Variants in EHMT1 observed in about 807,000 individuals in gnomAD.
EHMT1 encodes the protein euchromatic histone lysine methyltransferase 1.
EHMT1 carries 15 observed loss-of-function variants against 147.2 expected under a neutral mutation model. That is an observed-to-expected ratio of 0.10 (90% CI 0.07 to 0.16). The LOEUF (loss-of-function observed/expected upper bound fraction) is 0.16. EHMT1 is among the 10% of genes least tolerant of loss of function. The probability of loss-of-function intolerance (pLI) is 1.00; values close to 1 mark genes in which losing one functional copy is unlikely to be tolerated. For missense variants in EHMT1, 1,587 were observed against 1,772.4 expected, an observed-to-expected ratio of 0.90 and a Z score of 1.88; for synonymous variants, 795 against 709.6, an observed-to-expected ratio of 1.12 and a Z score of -1.91.
In EHMT1 at chr9:137,723,214, C is replaced by G. The variant is rs1251920588; in HGVS notation, c.643-5135C>G. 5.2e-5 allele frequency among the ~76,000 whole-genome samples: 4 copies of G among 77,292 alleles called. 1 individual carries two copies. The highest frequency in any genetic ancestry group is 3.9e-4 in the East Asian group (1 of 2,554). The allele number at this position is 77,292 out of a possible 152,430, so 50.7% of individuals were successfully genotyped here. A position where few individuals can be genotyped will look rare whatever the true frequency, so the allele number is the denominator to read the frequency against. On this transcript the variant is annotated intron_variant, in intron 3 of 26. Coordinates refer to ENST00000460843, the MANE Select transcript of EHMT1 (RefSeq NM_024757.5). ...GTGTCTGTGGTTCTGGGCCTGAGCC[C>G]GGGGTGTGCCTGTGTCCGTGGTTCT...
At position 137,634,635 on chromosome 9, in the gene EHMT1, C is replaced by T. The variant is rs191835428; in HGVS notation, c.21+15586C>T. Among the ~76,000 whole-genome samples the T allele has an allele frequency of 8.1e-3, 1,174 of 144,904 alleles. 8 individuals carry two copies. The highest frequency in any genetic ancestry group is 0.014 in the Non-Finnish European group (922 of 66,106). On this transcript the variant is annotated intron_variant, in intron 1 of 26. Transcript: ENST00000460843. The stretch of plus-strand genomic sequence containing the variant: ...CATTTCTTTTCTTTTCTTTTCTTTT[C>T]TTTTTTTTCAAGATTGGGTCCCTTG...
At chr9:137,734,838 T>A (rs1947400792) in intron 4 of EHMT1, among the ~76,000 whole-genome samples, 1 of 152,188 alleles carries the variant, frequency 6.6e-6, no homozygotes, top group Non-Finnish European at 1.5e-5. Context: ...AGTATCCATA[T>A]CCATGGAAAC....
chr9:137,798,656 C>G (rs1953169064), intron 16 of EHMT1, among the ~76,000 whole-genome samples, 157 bp from the exon 17 acceptor site: 1 of 152,212 alleles, frequency 6.6e-6, no homozygotes, highest in Non-Finnish European at 1.5e-5. Context: ...TGGACCTCGG[C>G]TGTTCCCTCG....
At chr9:137,675,822 C>T (rs1341169637) in intron 1 of EHMT1, among the ~76,000 whole-genome samples, 7 of 101,996 alleles carry the variant, frequency 6.9e-5, no homozygotes, top group South Asian at 3.4e-4. Context: ...CTCGCTCTGT[C>T]GCCCAGGCTG....
chr9:137,706,334 A>C (rs1944273017), intron 1 of EHMT1, among the ~76,000 whole-genome samples: 1 of 152,190 alleles, frequency 6.6e-6, no homozygotes, highest in Non-Finnish European at 1.5e-5. Context: ...GGATGTTGTG[A>C]GTGGAAAGGT....
At chr9:137,820,521 C>T (rs529413868) in intron 25 of EHMT1, among the ~76,000 whole-genome samples, 2 of 152,160 alleles carry the variant, frequency 1.3e-5, no homozygotes, top group Admixed American at 6.5e-5. Flanking sequence ...GTTTATCAGT[C>T]TTTTTCTAAA....
chr9:137,746,730 G>A (rs909568673), intron 6 of EHMT1: 13 of 152,102 alleles, frequency 8.5e-5, no homozygotes, highest in Admixed American at 8.5e-4. Context: ...AAATGCTTAG[G>A]TTTCAGCTCC....
In EHMT1 at chr9:137,834,337, C is replaced by T. The variant is rs546373723; in HGVS notation, c.3541-12C>T. ...TGCTAACTGCAGCCCGTGCCGGCTT[C>T]TCGCCCTGCAGGACGGGGAGGTTTA... On this transcript the variant is annotated splice_polypyrimidine_tract_variant and intron_variant, in intron 25 of 26. Coordinates refer to ENST00000460843, the MANE Select transcript of EHMT1 (RefSeq NM_024757.5). The T allele has an allele frequency of 1.1e-5, 18 of 1,612,174 alleles. No homozygotes were observed. The African/African-American group carries it at 1.3e-4, about 12-fold the overall frequency.
chr9:137,792,976 G>A (rs888540351), intron 16 of EHMT1, among the ~76,000 whole-genome samples: 1 of 152,178 alleles, frequency 6.6e-6, no homozygotes, highest in East Asian at 1.9e-4. Context: ...TAAACCGTCC[G>A]TAGATGACCC....
intron 25 of EHMT1, among the ~76,000 whole-genome samples, chr9:137,832,131 A>T (rs1471732479): frequency 8.2e-6 from 1 of 121,764 alleles, no homozygotes; most frequent in Admixed American, 8.6e-5. Flanking sequence ...CCTCCGCAGA[A>T]CCCCCCAACC....
intron 10 of EHMT1, among the ~76,000 whole-genome samples, chr9:137,766,124 C>T (rs1462277044): frequency 6.6e-6 from 1 of 152,112 alleles, no homozygotes; most frequent in Non-Finnish European, 1.5e-5. Flanking sequence ...ACAAGTTTGG[C>T]CCCTTTGTAG....
intron 1 of EHMT1, among the ~76,000 whole-genome samples, chr9:137,633,828 T>C (rs921255725): frequency 1.3e-5 from 2 of 151,692 alleles, no homozygotes; most frequent in African/African-American, 2.4e-5. Context: ...TTCTAATTTT[T>C]TTTTTTTTTT....
In EHMT1 at chr9:137,798,262, C is replaced by T. The variant is rs570359058; in HGVS notation, c.2506-551C>T. On this transcript the variant is annotated intron_variant, in intron 16 of 26. Coordinates refer to ENST00000460843, the MANE Select transcript of EHMT1 (RefSeq NM_024757.5). ...GAAAGAAAAAAGTACATTAGCCAGT[C>T]ATGGTGGTGCACACCTGTAGTCCCA... Among the ~76,000 whole-genome samples, 35 of 152,234 alleles carry T rather than the reference C, an allele frequency of 2.3e-4. 1 individual carries two copies. The South Asian group carries it at 7.3e-3, about 32-fold the overall frequency.
chr9:137,647,386 A>T (rs533402472), intron 1 of EHMT1, among the ~76,000 whole-genome samples: 1 of 152,272 alleles, frequency 6.6e-6, no homozygotes, highest in African/African-American at 2.4e-5. Flanking sequence ...GCAGCGCTAG[A>T]CACCATCTGT....
chr9:137,669,845 G>A (rs1305446939), intron 1 of EHMT1, among the ~76,000 whole-genome samples: 3 of 152,192 alleles, frequency 2.0e-5, no homozygotes, highest in African/African-American at 4.8e-5. Context: ...GAGCCATGAT[G>A]CCTGGGCCAA....
chr9:137,686,246 T>C (rs137860588), intron 1 of EHMT1, among the ~76,000 whole-genome samples: 2 of 152,316 alleles, frequency 1.3e-5, no homozygotes, highest in East Asian at 3.8e-4. Context: ...CTTTGGTTGC[T>C]TGTGCTTTTG....
chr9:137,777,010 C>T, intron 12 of EHMT1, 166 bp downstream of exon 12: 1 of 701,200 alleles, frequency 1.4e-6, no homozygotes, highest in Non-Finnish European at 2.4e-6. Flanking sequence ...CATTTATTGC[C>T]ATTTGTGCAT....
At chr9:137,711,588 G>A (rs117590310) in intron 2 of EHMT1, among the ~76,000 whole-genome samples, 2,212 of 152,332 alleles carry the variant, frequency 0.015, 22 homozygotes, top group South Asian at 0.041. Context: ...AGGAGGTGGA[G>A]GGAGTGGTGT....
intron 1 of EHMT1, among the ~76,000 whole-genome samples, chr9:137,710,214 C>A (rs549883813): frequency 2.6e-5 from 4 of 152,014 alleles, no homozygotes; most frequent in Non-Finnish European, 5.9e-5. Flanking sequence ...GCTCACACCT[C>A]TAATCCCAGC....
Sources: allele counts gnomAD v4.1 joint callset (sites outside exome capture counted in the v4.1 genomes callset), GRCh38; gene constraint gnomAD v4.1.1; transcripts MANE v1.5; gene names NCBI Gene and HGNC (gene_info 2026-07-23, HGNC 2026-07-21).